Variants in AKAP9 observed in about 807,000 individuals in gnomAD.
AKAP9 encodes A-kinase anchor protein 9.
A neutral mutation model predicts 488.5 loss-of-function variants in AKAP9; 311 were observed. The ratio of observed to expected loss-of-function variants is 0.64; its 90% CI spans 0.58 to 0.70. The LOEUF (loss-of-function observed/expected upper bound fraction) is 0.70, where lower values mean the gene tolerates loss of function less well. Among genes scored for constraint, AKAP9 ranks in the 30% least tolerant of loss-of-function variants. AKAP9 has a pLI of 0.00. For synonymous variants in AKAP9, 1,462 were observed against 1,483.5 expected (o/e 0.99, Z 0.33); for missense variants, 4,215 against 4,374.5 (o/e 0.96, Z 1.03).
intron 10 of AKAP9, among the ~76,000 whole-genome samples, chr7:92,015,707 T>G (rs1801423124): frequency 6.6e-6 from 1 of 152,146 alleles, no homozygotes; most frequent in South Asian, 2.1e-4. Flanking sequence ...ACTCTTTTGC[T>G]TGATATGATT....
At chr7:92,042,983 C>T (rs1329493076) in intron 20 of AKAP9, 7 of 362,220 alleles carry the variant, frequency 1.9e-5, no homozygotes, top group Non-Finnish European at 3.6e-5. Context: ...AAAATCTTTT[C>T]TATATAAATT....
At chr7:92,003,284 A>G (rs1349110742) in intron 8 of AKAP9, 49 bp downstream of exon 8, 1 of 1,385,130 alleles carries the variant, frequency 7.2e-7, no homozygotes, top group African/African-American at 1.4e-5. Flanking sequence ...AAAAATGTAC[A>G]TTTCACACTA....
intron 1 of AKAP9, among the ~76,000 whole-genome samples, chr7:91,956,733 A>G (rs1400748955): frequency 6.6e-6 from 1 of 152,220 alleles, no homozygotes; most frequent in African/African-American, 2.4e-5. Context: ...ATTTAAGGAA[A>G]AGCAGAAATG....
intron 4 of AKAP9, 128 bp downstream of exon 4, chr7:91,992,339 C>T: frequency 2.5e-6 from 2 of 801,620 alleles, no homozygotes; most frequent in East Asian, 5.0e-5. Context: ...TTAATGTTTA[C>T]TAAAACAAAG....
chr7:91,949,259 C>T (rs1167211682), intron 1 of AKAP9, among the ~76,000 whole-genome samples: 1 of 152,038 alleles, frequency 6.6e-6, no homozygotes, highest in East Asian at 1.9e-4. Flanking sequence ...GTGGGATTAT[C>T]TTCCATATAT....
intron 3 of AKAP9, among the ~76,000 whole-genome samples, chr7:91,987,492 C>A (rs1367244212): frequency 6.6e-6 from 1 of 151,666 alleles, no homozygotes; most frequent in African/African-American, 2.4e-5. Context: ...GAATTATAAC[C>A]CTAGTAATAT....
Position 92,031,615 on chromosome 7 carries a change from A to G in AKAP9, c.4338+11A>G, listed in dbSNP as rs767199990. Reference sequence around the variant, plus strand: ...GAAGAAGTAGCTAAGGTAGGCTTATAGCTTATCTGGAAGATTATCTTGGTT... The same window carrying G: ...GAAGAAGTAGCTAAGGTAGGCTTATGGCTTATCTGGAAGATTATCTTGGTT... On this transcript the variant is annotated intron_variant, in intron 16 of 49. Coordinates refer to ENST00000356239, the MANE Select transcript of AKAP9 (RefSeq NM_005751.5). 1.5e-5 allele frequency: 24 copies of G among 1,570,244 alleles called. No individual in the cohort carries two copies. Among genetic ancestry groups the G allele is most frequent in the Non-Finnish European group, 2.0e-5 (23 of 1,140,744 alleles).
rs145610238 is a variant in AKAP9 at position 92,025,151 on chromosome 7, G to T, written c.4148+2142G>T. On this transcript the variant is annotated intron_variant, in intron 14 of 49. Coordinates refer to ENST00000356239, the MANE Select transcript of AKAP9 (RefSeq NM_005751.5). ...TTTGGAAACCACTGCTTTCTGATAT[G>T]AAACAAAATAGGTAATTAGGAAGAA... Among the ~76,000 whole-genome samples, 7 of 152,294 alleles carry T rather than the reference G, an allele frequency of 4.6e-5. No individual in the cohort carries two copies. In the East Asian group the frequency reaches 1.2e-3, roughly 25 times the overall value.
rs149893653 is a variant in AKAP9 at position 92,015,302 on chromosome 7, G to A, written c.3613-827G>A. Among the ~76,000 whole-genome samples the A allele has an allele frequency of 5.6e-3, 851 of 151,946 alleles. 9 individuals are homozygous for A. Among genetic ancestry groups the A allele is most frequent in the African/African-American group, 0.019 (803 of 41,438 alleles). ...CTCAGGAGAAGAACCGGAACAACGCGTCAAATATTTTCAATTTTTGTGTGT... is the reference window on the plus strand; with the variant it reads ...CTCAGGAGAAGAACCGGAACAACGCATCAAATATTTTCAATTTTTGTGTGT... On this transcript the variant is annotated intron_variant, in intron 10 of 49. Coordinates refer to ENST00000356239, the MANE Select transcript of AKAP9 (RefSeq NM_005751.5).
chr7:92,012,788 T>A, intron 9 of AKAP9, 146 bp downstream of exon 9: 1 of 666,138 alleles, frequency 1.5e-6, no homozygotes, highest in Non-Finnish European at 2.5e-6. Flanking sequence ...GACATTCATT[T>A]AAGTGCTTGA....
chr7:91,988,506 A>G (rs1797379489), intron 3 of AKAP9, among the ~76,000 whole-genome samples: 3 of 152,224 alleles, frequency 2.0e-5, no homozygotes, highest in African/African-American at 7.2e-5. Flanking sequence ...TCTGGGCAGT[A>G]TGTAACATTA....
intron 16 of AKAP9, among the ~76,000 whole-genome samples, chr7:92,032,104 C>T (rs937691872): frequency 6.6e-6 from 1 of 152,188 alleles, no homozygotes; most frequent in Non-Finnish European, 1.5e-5. Flanking sequence ...TGTCCAGAGT[C>T]ATTCTTTAAT....
At position 92,052,719 on chromosome 7, in the gene AKAP9, A is replaced by T; in HGVS notation, c.5369-7A>T. The T allele has an allele frequency of 6.3e-7, 1 of 1,582,960 alleles. No homozygotes were observed. Among genetic ancestry groups the T allele is most frequent in the Non-Finnish European group, 8.7e-7 (1 of 1,152,416 alleles). On this transcript the variant is annotated splice_region_variant and splice_polypyrimidine_tract_variant and intron_variant, in intron 21 of 49. Coordinates refer to ENST00000356239, the MANE Select transcript of AKAP9 (RefSeq NM_005751.5). ...TAATTTATGCCTTTAAAACACTGTT[A>T]TTCTAGTTACAGATGAATCCATTCC...
intron 7 of AKAP9, among the ~76,000 whole-genome samples, chr7:91,998,418 C>CTTTTTTTTTTTTTTTTTTTTTTTTTT (rs60778133): frequency 1.9e-5 from 1 of 53,962 alleles, no homozygotes; most frequent in Admixed American, 2.9e-4. Context: ...CCACAGGGCT[C>CTTTTTTTTTTTTTTTTTTTTTTTTTT]TTTTTTTTTT....
At chr7:91,991,187 T>C (rs1481323548) in intron 3 of AKAP9, among the ~76,000 whole-genome samples, 1 of 152,242 alleles carries the variant, frequency 6.6e-6, no homozygotes, top group African/African-American at 2.4e-5. Context: ...TAGGCTACAG[T>C]AAAATATTTT....
At chr7:92,094,915 G>A in intron 39 of AKAP9, 108 bp from the exon 40 acceptor site, 2 of 863,274 alleles carry the variant, frequency 2.3e-6, no homozygotes, top group Non-Finnish European at 3.8e-6. Flanking sequence ...TTTCCTCTTA[G>A]CTAGTTTATT....
chr7:92,077,739 C>T lies in AKAP9; in HGVS notation c.6809C>T (p.Ala2270Val). 6.2e-7 allele frequency: 1 copy of T among 1,613,724 alleles called. No homozygotes were observed. The highest frequency in any genetic ancestry group is 8.5e-7 in the Non-Finnish European group (1 of 1,179,856). ...KLGLAIKESDAMSTQDQHVLF... is the reference protein window; with the variant it reads ...KLGLAIKESDVMSTQDQHVLF... ...GGACTTGCCATAAAGGAATCTGATG[C>T]CATGTCTACTCAAGACCAACATGTG... The change falls in exon 30 of 50, where the codon GCC (alanine) becomes GTC (valine). Residue 2270 changes from alanine (A) to valine (V), a missense_variant. By Grantham distance (64) the Ala-to-Val change is moderately conservative. Coordinates refer to ENST00000356239, the MANE Select transcript of AKAP9 (RefSeq NM_005751.5).
intron 1 of AKAP9, among the ~76,000 whole-genome samples, chr7:91,971,560 C>CTTTTATTTTT (rs1795075014): frequency 1.5e-5 from 1 of 68,542 alleles, no homozygotes; most frequent in Non-Finnish European, 2.6e-5. Context: ...ACATCTATTT[C>CTTTTATTTTT]TTTTTTTTTT....
intron 27 of AKAP9, 109 bp downstream of exon 27, chr7:92,070,315 C>T (rs1811486433): frequency 3.4e-6 from 4 of 1,181,302 alleles, no homozygotes; most frequent in Admixed American, 3.5e-5. Context: ...TCTCTGTTGA[C>T]ATTGTAACCA....
Sources: gnomAD v4.1 joint callset for allele counts (sites outside exome capture counted in the v4.1 genomes callset) on GRCh38, gnomAD v4.1.1 for gene constraint, MANE v1.5 for transcripts, NCBI Gene and HGNC (gene_info 2026-07-23, HGNC 2026-07-21) for gene names.